Variants in SUPT3H observed in about 807,000 individuals in gnomAD.
SUPT3H encodes the protein transcription initiation protein SPT3 homolog.
SUPT3H carries 44 observed loss-of-function variants against 44.3 expected under a neutral mutation model. The observed-to-expected ratio is 0.99, with a 90% CI of 0.78 to 1.28. The LOEUF (loss-of-function observed/expected upper bound fraction) is 1.28, where lower values mean the gene tolerates loss of function less well. SUPT3H is among the 50% of genes most tolerant of loss of function. SUPT3H has a pLI of 0.00. For synonymous variants in SUPT3H, 124 were observed against 125.6 expected, an observed-to-expected ratio of 0.99 and a Z score of 0.09; for missense variants, 380 against 387.1, an observed-to-expected ratio of 0.98 and a Z score of 0.15.
chr6:45,326,128 G>C (rs1308020802), intron 2 of SUPT3H, among the ~76,000 whole-genome samples: 4 of 151,738 alleles, frequency 2.6e-5, no homozygotes, highest in Non-Finnish European at 5.9e-5. Context: ...ATTCTTATCA[G>C]GTCAATTTGA....
At chr6:44,837,963 C>T (rs1770222354) in intron 10 of SUPT3H, among the ~76,000 whole-genome samples, 1 of 152,148 alleles carries the variant, frequency 6.6e-6, no homozygotes, top group African/African-American at 2.4e-5. Flanking sequence ...TCTCAATGGC[C>T]TTTGCCACAT....
intron 6 of SUPT3H, among the ~76,000 whole-genome samples, chr6:44,982,731 C>G (rs1203689658): frequency 6.6e-5 from 10 of 152,110 alleles, no homozygotes; most frequent in Non-Finnish European, 5.9e-5. Context: ...AATGAAGAGG[C>G]CTTGTGATAG....
chr6:45,038,998 A>C (rs1788109014), intron 3 of SUPT3H, among the ~76,000 whole-genome samples: 1 of 152,146 alleles, frequency 6.6e-6, no homozygotes, highest in African/African-American at 2.4e-5. Flanking sequence ...CTGTTCTTTA[A>C]GGTGTATTTT....
rs138926163 is a variant in SUPT3H at position 45,083,261 on chromosome 6, G to C, written c.186+22661C>G. On this transcript the variant is annotated intron_variant, in intron 3 of 10. Transcript: ENST00000371459. ...GGCCGGAGTGCAGTGGCGTTATCTC[G>C]GCTCAATGCAACCTCCGCCTCCCAG... Among the ~76,000 whole-genome samples the C allele has an allele frequency of 4.1e-3, 621 of 151,464 alleles. 6 individuals are homozygous for C. Among genetic ancestry groups the C allele is most frequent in the African/African-American group, 0.014 (582 of 41,310 alleles).
At chr6:45,277,317 G>T (rs747892121) in intron 2 of SUPT3H, among the ~76,000 whole-genome samples, 1 of 152,130 alleles carries the variant, frequency 6.6e-6, no homozygotes, top group Non-Finnish European at 1.5e-5. Context: ...AGAAAAGGAG[G>T]TTTAGATTAG....
In SUPT3H at chr6:45,170,653, CTTTTTA is replaced by C. The variant is rs574411807; in HGVS notation, c.102-64653_102-64648del. On this transcript the variant is annotated intron_variant, in intron 2 of 10. Coordinates refer to ENST00000371459, the MANE Select transcript of SUPT3H (RefSeq NM_003599.4). ...AGGTTCATTTTCTTTTTTTCTTTTT[CTTTTTA>C]TTTAAAATTCTGAATCTGGTAGAGT... is the stretch of plus-strand genomic sequence containing the variant. Among the ~76,000 whole-genome samples the C allele has an allele frequency of 6.6e-5, 10 of 151,752 alleles. No individual in the cohort carries two copies. The South Asian group carries it at 8.3e-4, about 13-fold the overall frequency.
intron 10 of SUPT3H, among the ~76,000 whole-genome samples, chr6:44,897,530 G>T (rs1476589773): frequency 2.0e-5 from 3 of 152,142 alleles, no homozygotes; most frequent in East Asian, 3.9e-4. Flanking sequence ...TCCTGACTTT[G>T]CATCATGTTT....
chr6:45,297,077 TA>T (rs373194598), intron 2 of SUPT3H, among the ~76,000 whole-genome samples: 24,488 of 141,316 alleles, frequency 0.17, 2,658 homozygotes, highest in African/African-American at 0.32. Context: ...GAAATAAATT[TA>T]AAAAAAAAAA....
intron 2 of SUPT3H, among the ~76,000 whole-genome samples, chr6:45,234,737 A>C (rs1352793144): frequency 6.6e-6 from 1 of 152,118 alleles, no homozygotes; most frequent in African/African-American, 2.4e-5. Flanking sequence ...TTGAAAATGT[A>C]AACAAACTAT....
Position 45,051,111 on chromosome 6 carries a change from G to A in SUPT3H, c.187-30479C>T, listed in dbSNP as rs570278355. 3.9e-4 allele frequency among the ~76,000 whole-genome samples: 60 copies of A among 152,112 alleles called. No homozygotes were observed. The South Asian group carries it at 0.012, about 30-fold the overall frequency. ...GTGTTAGTCAGGATAGGATGGTCTC[G>A]AACTCCTGACCTCGTGATCCACCCG... On this transcript the variant is annotated intron_variant, in intron 3 of 10. Coordinates refer to ENST00000371459, the MANE Select transcript of SUPT3H (RefSeq NM_003599.4).
chr6:45,293,125 A>G (rs962861164), intron 2 of SUPT3H, among the ~76,000 whole-genome samples: 3 of 152,188 alleles, frequency 2.0e-5, no homozygotes, highest in African/African-American at 7.2e-5. Flanking sequence ...AACTGAAATT[A>G]TATCAAGCAC....
intron 3 of SUPT3H, among the ~76,000 whole-genome samples, chr6:45,079,275 A>G (rs1328587313): frequency 2.6e-5 from 4 of 152,006 alleles, no homozygotes; most frequent in Admixed American, 2.0e-4. Context: ...ACACTACCGC[A>G]CTCCAGCCTG....
At chr6:45,229,631 T>C (rs1026209549) in intron 2 of SUPT3H, among the ~76,000 whole-genome samples, 3 of 152,140 alleles carry the variant, frequency 2.0e-5, no homozygotes, top group Non-Finnish European at 4.4e-5. Context: ...CGAGAACACA[T>C]TAAAGACTAA....
At chr6:44,836,503 C>G (rs1314079939) in intron 10 of SUPT3H, among the ~76,000 whole-genome samples, 2 of 152,186 alleles carry the variant, frequency 1.3e-5, no homozygotes, top group East Asian at 3.9e-4. Flanking sequence ...AACCCAGAGC[C>G]CATAAATCTT....
chr6:44,831,493 G>GAAAC (rs1204343866), intron 10 of SUPT3H, among the ~76,000 whole-genome samples: 3 of 152,194 alleles, frequency 2.0e-5, no homozygotes, highest in Non-Finnish European at 2.9e-5. Context: ...CTCAGTCTGT[G>GAAAC]AAACAAACAG....
intron 10 of SUPT3H, among the ~76,000 whole-genome samples, chr6:44,860,053 C>T (rs886873337): frequency 6.6e-6 from 1 of 152,058 alleles, no homozygotes; most frequent in Non-Finnish European, 1.5e-5. Flanking sequence ...TACCATGACT[C>T]CCACTGAGAT....
At chr6:44,970,635 T>G (rs1014755740) in intron 6 of SUPT3H, among the ~76,000 whole-genome samples, 1 of 152,120 alleles carries the variant, frequency 6.6e-6, no homozygotes, top group African/African-American at 2.4e-5. Flanking sequence ...GCTAGTTTAA[T>G]ATGTATAAAA....
chr6:45,011,574 A>C (rs570767429), intron 5 of SUPT3H, among the ~76,000 whole-genome samples: 1 of 151,774 alleles, frequency 6.6e-6, no homozygotes, highest in South Asian at 2.1e-4. Context: ...CAAATATATT[A>C]TATTTCCAAA....
At chr6:45,284,580 T>G (rs553906861) in intron 2 of SUPT3H, among the ~76,000 whole-genome samples, 16 of 152,068 alleles carry the variant, frequency 1.1e-4, no homozygotes, top group Non-Finnish European at 2.2e-4. Flanking sequence ...AATAACAGGC[T>G]CTGAAATAGA....
Sources: allele counts gnomAD v4.1 joint callset (sites outside exome capture counted in the v4.1 genomes callset), GRCh38; gene constraint gnomAD v4.1.1; transcripts MANE v1.5; gene names NCBI Gene and HGNC (gene_info 2026-07-23, HGNC 2026-07-21).